The following MGLL variants were observed in gnomAD, a reference collection of about 807,000 sequenced individuals.
The protein encoded by MGLL is monoglyceride lipase.
A neutral mutation model predicts 29.1 loss-of-function variants in MGLL; 7 were observed. The observed-to-expected ratio is 0.24, with a 90% confidence interval of 0.14 to 0.45. The LOEUF is 0.45. Ranked by LOEUF, MGLL falls within the 20% of genes least tolerant of loss-of-function variation. MGLL has a pLI of 0.99. For missense variants in MGLL, 356 were observed against 413.6 expected (o/e 0.86, Z 1.21); for synonymous variants, 148 against 168.3 (o/e 0.88, Z 0.93).
At chr3:127,800,534 A>G (rs1419490767) in intron 2 of MGLL, among the ~76,000 whole-genome samples, 1 of 152,234 alleles carries the variant, frequency 6.6e-6, no homozygotes, top group Non-Finnish European at 1.5e-5. Flanking sequence ...AATATACACA[A>G]TAAAGTTGGC....
chr3:127,789,535 C>A (rs2077267364), intron 2 of MGLL, among the ~76,000 whole-genome samples: 1 of 152,086 alleles, frequency 6.6e-6, no homozygotes, highest in Admixed American at 6.5e-5. Flanking sequence ...CATGGTGAGA[C>A]CCCATCTCTA....
At chr3:127,748,135 C>T (rs934812560) in intron 3 of MGLL, among the ~76,000 whole-genome samples, 23 of 152,136 alleles carry the variant, frequency 1.5e-4, no homozygotes, top group African/African-American at 2.4e-5. Flanking sequence ...CAACTTGCAA[C>T]GCCCCTCACT....
intron 3 of MGLL, among the ~76,000 whole-genome samples, chr3:127,741,195 C>T (rs1285504736): frequency 6.6e-6 from 1 of 152,258 alleles, no homozygotes; most frequent in Non-Finnish European, 1.5e-5. Flanking sequence ...ACAGGAAACA[C>T]ATCCAGTAGC....
At chr3:127,764,832 ACT>A (rs1451330221) in intron 3 of MGLL, among the ~76,000 whole-genome samples, 2 of 151,876 alleles carry the variant, frequency 1.3e-5, no homozygotes, top group African/African-American at 2.4e-5. Context: ...TTTATGGAGT[ACT>A]CTCTGTGGGT....
chr3:127,802,832 C>T (rs184474282), intron 2 of MGLL, among the ~76,000 whole-genome samples: 7 of 152,314 alleles, frequency 4.6e-5, no homozygotes, highest in Admixed American at 2.6e-4. Context: ...CTGTGGAAGG[C>T]ACATGGTGTG....
chr3:127,743,869 G>A (rs1288510131), intron 3 of MGLL, among the ~76,000 whole-genome samples: 1 of 152,106 alleles, frequency 6.6e-6, no homozygotes, highest in African/African-American at 2.4e-5. Context: ...TCTGTTTGCT[G>A]ATGGTCCCAG....
chr3:127,716,314 A>T (rs1007139961), intron 5 of MGLL, among the ~76,000 whole-genome samples: 2 of 152,338 alleles, frequency 1.3e-5, no homozygotes, highest in Middle Eastern at 3.4e-3. Context: ...ACTAACTCCG[A>T]AGGGATGCTG....
chr3:127,729,418 C>T (rs574024101), intron 3 of MGLL, among the ~76,000 whole-genome samples: 1 of 152,104 alleles, frequency 6.6e-6, no homozygotes, highest in Admixed American at 6.6e-5. Context: ...GAATCTTTGA[C>T]CCATTTGAAT....
At chr3:127,817,147 A>G (rs2077771849) in intron 2 of MGLL, among the ~76,000 whole-genome samples, 1 of 152,234 alleles carries the variant, frequency 6.6e-6, no homozygotes, top group Non-Finnish European at 1.5e-5. Context: ...CAAGGCCAGT[A>G]AGGTTCAGAG....
intron 3 of MGLL, among the ~76,000 whole-genome samples, chr3:127,751,015 T>G (rs192197382): frequency 3.8e-4 from 58 of 152,314 alleles, no homozygotes; most frequent in Admixed American, 3.7e-3. Context: ...GGATCACTGA[T>G]CTGGCATTGC....
intron 5 of MGLL, among the ~76,000 whole-genome samples, chr3:127,717,717 G>C (rs971042686): frequency 6.6e-6 from 1 of 152,132 alleles, no homozygotes; most frequent in South Asian, 2.1e-4. Context: ...AGCCCAGAGG[G>C]ATTTTTCTCT....
chr3:127,821,919 G>A, intron 1 of MGLL, 81 bp from the exon 2 acceptor site: 3 of 1,449,820 alleles, frequency 2.1e-6, no homozygotes, highest in South Asian at 2.6e-5. Context: ...CTAGTTCAGA[G>A]TCAGTAACAT....
chr3:127,759,967 TG>T (rs2076734200), intron 3 of MGLL, among the ~76,000 whole-genome samples: 2 of 152,366 alleles, frequency 1.3e-5, no homozygotes, highest in African/African-American at 4.8e-5. Context: ...AGGAGGCAGC[TG>T]GCCCCTGCCT....
chr3:127,715,758 T>G (rs1328725552), intron 5 of MGLL: 3 of 456,534 alleles, frequency 6.6e-6, no homozygotes, highest in Non-Finnish European at 8.8e-6. Context: ...GATCACATTG[T>G]CGAGGTCGAC....
intron 6 of MGLL, among the ~76,000 whole-genome samples, chr3:127,709,104 A>G (rs943198577): frequency 6.6e-6 from 1 of 152,188 alleles, no homozygotes; most frequent in Non-Finnish European, 1.5e-5. Flanking sequence ...AACAGTGTAT[A>G]TTTGGCTTTG....
chr3:127,692,222 C>A lies in MGLL; in HGVS notation c.918G>T (p.Thr306=). 6.2e-7 allele frequency: 1 copy of A among 1,613,794 alleles called. No homozygotes were observed. Among genetic ancestry groups the A allele is most frequent in the Non-Finnish European group, 8.5e-7 (1 of 1,179,990 alleles). Residue 306 remains threonine, a synonymous_variant, in exon 8 of 8, where the codon ACG becomes ACT. Transcript: ENST00000265052. ...INMWVSQRTA[T]AGTASPP ...TTCAGGGTGGGGACGCAGTTCCTGC[C>A]GTGGCTGTCCTTTGAGAGACCCACA...
At chr3:127,791,441 T>A (rs28536014) in intron 2 of MGLL, among the ~76,000 whole-genome samples, 1 of 152,212 alleles carries the variant, frequency 6.6e-6, no homozygotes, top group Non-Finnish European at 1.5e-5. Flanking sequence ...TGATTCTACA[T>A]GGTTGCAGTT....
chr3:127,778,095 G>T (rs541655182), intron 3 of MGLL, among the ~76,000 whole-genome samples: 68 of 152,240 alleles, frequency 4.5e-4, no homozygotes, highest in Non-Finnish European at 7.6e-4. Context: ...GTTTCTGTCT[G>T]AACAGTGAAA....
At chr3:127,740,401 T>A (rs541477018) in intron 3 of MGLL, among the ~76,000 whole-genome samples, 1 of 151,892 alleles carries the variant, frequency 6.6e-6, no homozygotes, top group Non-Finnish European at 1.5e-5. Flanking sequence ...TAGGACTTCA[T>A]GTAGGTGGAA....
Sources: gnomAD v4.1 joint callset for allele counts (sites outside exome capture counted in the v4.1 genomes callset) on GRCh38, gnomAD v4.1.1 for gene constraint, MANE v1.5 for transcripts, NCBI Gene and HGNC (gene_info 2026-07-23, HGNC 2026-07-21) for gene names.